Variants in IGDCC3 observed in about 807,000 individuals in gnomAD.
IGDCC3 encodes putative neuronal cell adhesion molecule.
In IGDCC3, 47 loss-of-function variants were observed where a neutral mutation model predicts 72.0. The observed-to-expected ratio is 0.65, with a 90% CI of 0.52 to 0.83. IGDCC3 has a LOEUF of 0.83. Ranked by LOEUF, IGDCC3 falls within the 40% of genes least tolerant of loss-of-function variation. The probability of loss-of-function intolerance (pLI) is 0.00; values close to 1 mark genes in which losing one functional copy is unlikely to be tolerated. For missense variants in IGDCC3, 1,038 were observed against 1,091.3 expected, an observed-to-expected ratio of 0.95 and a Z score of 0.69; for synonymous variants, 477 against 472.8, an observed-to-expected ratio of 1.01 and a Z score of -0.11.
intron 2 of IGDCC3, among the ~76,000 whole-genome samples, chr15:65,368,919 A>G (rs2091306230): frequency 6.6e-6 from 1 of 152,204 alleles, no homozygotes; most frequent in South Asian, 2.1e-4. Context: ...GCTTTGTCCC[A>G]GAAGGCCACA....
intron 8 of IGDCC3, 91 bp from the exon 9 acceptor site, chr15:65,331,305 G>T: frequency 6.4e-7 from 1 of 1,565,602 alleles, no homozygotes; most frequent in Non-Finnish European, 8.7e-7. Flanking sequence ...GTGCCCGGGG[G>T]GACAGCGGGG....
chr15:65,332,429 C>A (rs1595749959), intron 6 of IGDCC3, among the ~76,000 whole-genome samples: 1 of 152,172 alleles, frequency 6.6e-6, no homozygotes, highest in Non-Finnish European at 1.5e-5. Context: ...AATAAATGTG[C>A]TAATAGGTTT....
chr15:65,347,024 G>T (rs925748249), intron 2 of IGDCC3, among the ~76,000 whole-genome samples: 1 of 152,124 alleles, frequency 6.6e-6, no homozygotes, highest in African/African-American at 2.4e-5. Context: ...TCCACAGACT[G>T]TGTGTCTCTG....
At chr15:65,335,563 A>C (rs2091020848) in intron 3 of IGDCC3, 142 bp from the exon 4 acceptor site, 1 of 949,624 alleles carries the variant, frequency 1.1e-6, no homozygotes, top group African/African-American at 1.6e-5. Context: ...GGACTTTCAA[A>C]GGTGGACACA....
intron 2 of IGDCC3, among the ~76,000 whole-genome samples, chr15:65,368,160 T>TCACACACACACACACACA (rs57451250): frequency 3.4e-5 from 5 of 146,314 alleles, no homozygotes; most frequent in African/African-American, 1.3e-4. Flanking sequence ...TCTCTTTCAC[T>TCACACACACACACACACA]CACACACACA....
chr15:65,374,486 C>G (rs1461683234), intron 2 of IGDCC3, among the ~76,000 whole-genome samples: 3 of 152,194 alleles, frequency 2.0e-5, no homozygotes, highest in Non-Finnish European at 2.9e-5. Flanking sequence ...CATCTTGCCT[C>G]GCCTTTTCTC....
In IGDCC3 at chr15:65,375,084, G is replaced by C; in HGVS notation, c.409+13C>G. ...TGGCTTACACAAAGGGAAAACAAGG[G>C]ATATCCACTTACTTGCAGCTTGGAT... On this transcript the variant is annotated intron_variant, in intron 2 of 13. Transcript: ENST00000327987. 1 of 1,606,776 alleles carries C rather than the reference G, an allele frequency of 6.2e-7. No homozygotes were observed. Among genetic ancestry groups the C allele is most frequent in the South Asian group, 1.1e-5 (1 of 90,174 alleles).
At position 65,329,828 on chromosome 15, in the gene IGDCC3, GCCT is replaced by G. The variant is rs776998484; in HGVS notation, c.1892_1894del (p.Glu631del). The G allele has an allele frequency of 5.5e-5, 89 of 1,614,084 alleles. No homozygotes were observed. The highest frequency in any genetic ancestry group is 5.1e-5 in the Non-Finnish European group (60 of 1,180,020). ...GCCTGTGGTGGACGTCTGGTTGGCG[GCCT>G]CCTCCTTCCGGCAGTCACATGGTGG... On this transcript the variant is annotated inframe_deletion, in exon 12 of 14. Transcript: ENST00000327987. This position sits in a 1 kb window ranked among gnomAD's most constrained non-coding sequence, Gnocchi z 4.1.
rs768698707 is a variant in IGDCC3 at position 65,334,879 on chromosome 15, G to A, written c.686-14C>T. 31 of 1,607,616 alleles carry A rather than the reference G, an allele frequency of 1.9e-5. No individual in the cohort carries two copies. Among genetic ancestry groups the A allele is most frequent in the African/African-American group, 2.7e-5 (2 of 74,734 alleles). ...CAGAGCCCGAGCCTGGGAGGAAGAC[G>A]CCACATATCCTCACTTCAGCTGGGG... On this transcript the variant is annotated splice_polypyrimidine_tract_variant and intron_variant, in intron 4 of 13. Transcript: ENST00000327987.
chr15:65,344,512 G>A (rs1009625317), intron 2 of IGDCC3, among the ~76,000 whole-genome samples: 1 of 152,194 alleles, frequency 6.6e-6, no homozygotes, highest in Non-Finnish European at 1.5e-5. Context: ...TGACAAACAG[G>A]GGCCTGGATG....
chr15:65,350,732 G>A (rs1478093585), intron 2 of IGDCC3, among the ~76,000 whole-genome samples: 1 of 152,190 alleles, frequency 6.6e-6, no homozygotes, highest in African/African-American at 2.4e-5. Flanking sequence ...AAAATGCTGG[G>A]ATTACAGGCA....
At chr15:65,362,777 G>T (rs917778205) in intron 2 of IGDCC3, among the ~76,000 whole-genome samples, 1 of 152,008 alleles carries the variant, frequency 6.6e-6, no homozygotes, top group Admixed American at 6.6e-5. Flanking sequence ...GCAACATGAG[G>T]TGTCAGACCC....
chr15:65,328,346 G>A lies in IGDCC3; in HGVS notation c.*563C>T, dbSNP rs2090939869. On this transcript the variant is annotated 3_prime_UTR_variant, in exon 14 of 14. Coordinates refer to ENST00000327987, the MANE Select transcript of IGDCC3 (RefSeq NM_004884.4). Reference sequence around the variant, plus strand: ...CTGGACAACAGTGTGGGAAGGGAGAGGGGGTCCCCAGCAAGGGGACTTGAG... The same window carrying A: ...CTGGACAACAGTGTGGGAAGGGAGAAGGGGTCCCCAGCAAGGGGACTTGAG... The A allele has an allele frequency of 1.4e-5, 2 of 147,998 alleles. No homozygotes were observed. The highest frequency in any genetic ancestry group is 4.3e-4 in the South Asian group (2 of 4,680). 9.2% of individuals were successfully genotyped at this position (147,998 alleles called of 1,614,324 possible).
chr15:65,347,937 AAACAACAAC>A (rs138666608), intron 2 of IGDCC3, among the ~76,000 whole-genome samples: 66 of 150,672 alleles, frequency 4.4e-4, no homozygotes, highest in Non-Finnish European at 6.5e-4. Context: ...ATTTCATCTC[AAACAACAAC>A]AACAACAACA....
chr15:65,361,952 G>A (rs1400420356), intron 2 of IGDCC3, among the ~76,000 whole-genome samples: 1 of 152,178 alleles, frequency 6.6e-6, no homozygotes, highest in African/African-American at 2.4e-5. Flanking sequence ...ATCTGCGACC[G>A]CATCCTGAAA....
chr15:65,337,169 C>G (rs943648311), intron 2 of IGDCC3, among the ~76,000 whole-genome samples: 3 of 152,234 alleles, frequency 2.0e-5, no homozygotes, highest in Non-Finnish European at 4.4e-5. Context: ...AAAAGGCGAG[C>G]CTTTGTGCCC....
At position 65,329,544 on chromosome 15, in the gene IGDCC3, C is replaced by T. The variant is rs766501573; in HGVS notation, c.2051G>A (p.Arg684Gln). ...ENQLSPPQGPRSQRDPGILAL... is the reference protein window; with the variant it reads ...ENQLSPPQGPQSQRDPGILAL... ...TAGAATGCCAGGGTCCCTCTGGCTC[C>T]GGGGACCCTGTGGAGGGGACAGCTG... Residue 684 changes from arginine (R) to glutamine (Q), a missense_variant, in exon 13 of 14, where the codon CGG becomes CAG. Arg to Gln is a conservative substitution (Grantham distance 43). Transcript: ENST00000327987. The surrounding 1 kb of genome is among the most constrained non-coding windows in gnomAD (Gnocchi z 4.1). 21 of 1,609,106 alleles carry T rather than the reference C, an allele frequency of 1.3e-5. No individual in the cohort carries two copies. The highest frequency in any genetic ancestry group is 8.9e-5 in the East Asian group (4 of 44,870).
rs1282450330 is a variant in IGDCC3, at chr15:65,328,775, C to T, written c.*134G>A. 8.3e-7 allele frequency: 1 copy of T among 1,199,956 alleles called. No homozygotes were observed. Among genetic ancestry groups the T allele is most frequent in the Non-Finnish European group, 1.1e-6 (1 of 900,072 alleles). The allele number at this position is 1,199,956 out of a possible 1,614,324, so 74.3% of individuals were successfully genotyped here. ...TCAAGGCTGCCTTGGGTTTTGACAA[C>T]CCAAGAGGCAGTCAGGATAGAAATG... On this transcript the variant is annotated 3_prime_UTR_variant, in exon 14 of 14. Transcript: ENST00000327987.
Position 65,339,473 on chromosome 15 carries a change from T to TGAGGCCATTTCG in IGDCC3, c.410-3529_410-3518dup, listed in dbSNP as rs2091060419. ...TAGGAAGTTTGAGGAAAAGGGATGT[T>TGAGGCCATTTCG]GAGGCCATTTCGGCCCCCTCTAGTT... is the stretch of plus-strand genomic sequence containing the variant. On this transcript the variant is annotated intron_variant, in intron 2 of 13. Transcript: ENST00000327987. This position sits in a 1 kb window ranked among gnomAD's most constrained non-coding sequence, Gnocchi z 4.1. Among the ~76,000 whole-genome samples the TGAGGCCATTTCG allele has an allele frequency of 6.6e-6, 1 of 152,244 alleles. No individual in the cohort carries two copies. Among genetic ancestry groups the TGAGGCCATTTCG allele is most frequent in the African/African-American group, 2.4e-5 (1 of 41,464 alleles).
Sources: allele counts gnomAD v4.1 joint callset (sites outside exome capture counted in the v4.1 genomes callset), GRCh38; gene constraint gnomAD v4.1.1; non-coding constraint Gnocchi (gnomAD v3.1); transcripts MANE v1.5; gene names NCBI Gene and HGNC (gene_info 2026-07-23, HGNC 2026-07-21).